The following ACTN2 variants were observed in gnomAD, a reference collection of about 807,000 sequenced individuals.
The protein encoded by ACTN2 is alpha-actinin-2.
A neutral mutation model predicts 113.8 loss-of-function variants in ACTN2; 39 were observed. The ratio of observed to expected loss-of-function variants is 0.34; its 90% CI spans 0.27 to 0.45. ACTN2 has a LOEUF of 0.45. Among genes scored for constraint, ACTN2 ranks in the 20% least tolerant of loss-of-function variants. ACTN2 has a pLI of 1.00. For missense variants in ACTN2, 992 were observed against 1,177.9 expected (o/e 0.84, Z 2.31); for synonymous variants, 429 against 444.1 (o/e 0.97, Z 0.43).
chr1:236,734,896 T>C (rs982788711), intron 7 of ACTN2, among the ~76,000 whole-genome samples: 1 of 152,216 alleles, frequency 6.6e-6, no homozygotes, highest in African/African-American at 2.4e-5. Flanking sequence ...CGAAAAATGG[T>C]GTTGCCAAGA....
intron 10 of ACTN2, among the ~76,000 whole-genome samples, chr1:236,739,952 A>G (rs1659017786): frequency 6.6e-6 from 1 of 152,056 alleles, no homozygotes; most frequent in Non-Finnish European, 1.5e-5. Context: ...TCTCCACCGA[A>G]TCATGCACAC....
chr1:236,689,554 C>T (rs1016511392), intron 1 of ACTN2, among the ~76,000 whole-genome samples: 3 of 151,678 alleles, frequency 2.0e-5, no homozygotes, highest in Non-Finnish European at 2.9e-5. Context: ...GAGACAGGGT[C>T]TCACTGTGTT....
In ACTN2 at chr1:236,742,794, A is replaced by T. The variant is rs183052641; in HGVS notation, c.1108-102A>T. 197 of 1,442,532 alleles carry T rather than the reference A, an allele frequency of 1.4e-4. 1 individual carries two copies. The African/African-American group carries it at 1.6e-3, about 12-fold the overall frequency. 89.4% of individuals were successfully genotyped at this position (1,442,532 alleles called of 1,614,324 possible). A position where few individuals can be genotyped will look rare whatever the true frequency, so the allele number is the denominator to read the frequency against. ...GAAAAGAAAACAAAAGGAAAACACC[A>T]TCAAAATGTAGTGGAGGGATTTATA... On this transcript the variant is annotated intron_variant, in intron 10 of 20. Coordinates refer to ENST00000366578, the MANE Select transcript of ACTN2 (RefSeq NM_001103.4).
At position 236,686,810 on chromosome 1, in the gene ACTN2, G is replaced by T; in HGVS notation, c.126+11G>T. The T allele has an allele frequency of 6.7e-7, 1 of 1,483,814 alleles. No homozygotes were observed. Among genetic ancestry groups the T allele is most frequent in the Non-Finnish European group, 9.0e-7 (1 of 1,112,508 alleles). The allele number at this position is 1,483,814 out of a possible 1,614,324, so 91.9% of individuals were successfully genotyped here. ...AAGCAGCAGAGGAAGGTCAGCAGGG[G>T]CCCGCGGGCCGCCCGCGCGTGGTGG... On this transcript the variant is annotated intron_variant, in intron 1 of 20. Coordinates refer to ENST00000366578, the MANE Select transcript of ACTN2 (RefSeq NM_001103.4).
intron 1 of ACTN2, among the ~76,000 whole-genome samples, chr1:236,709,220 G>GTGTGTGTGTGTGTATATATATA (rs1275373436): frequency 1.5e-5 from 1 of 66,838 alleles, no homozygotes; most frequent in Admixed American, 2.2e-4. Context: ...ACAAATGACT[G>GTGTGTGTGTGTGTATATATATA]TATATATATA....
At chr1:236,749,379 G>T in intron 14 of ACTN2, 115 bp downstream of exon 14, 1 of 1,431,272 alleles carries the variant, frequency 7.0e-7, no homozygotes, top group Non-Finnish European at 9.6e-7. Flanking sequence ...ATTAACAAAT[G>T]TGGCTAGAAA....
At chr1:236,731,091 A>G in intron 6 of ACTN2, 142 bp from the exon 7 acceptor site, 1 of 636,036 alleles carries the variant, frequency 1.6e-6, no homozygotes, top group Non-Finnish European at 2.8e-6. Context: ...GATTGGGAAA[A>G]GATGAAAAGG....
Position 236,754,944 on chromosome 1 carries a change from G to A in ACTN2, c.1975-75G>A, listed in dbSNP as rs1017891194. ...TAGCATCCCATGCAGGGTCTGGAAC[G>A]GCGCCTCGTGCCGAGCTCCCTTAGA... On this transcript the variant is annotated intron_variant, in intron 16 of 20. Transcript: ENST00000366578. The surrounding 1 kb of genome is among the most constrained non-coding windows in gnomAD (Gnocchi z 4.9). 1.1e-5 allele frequency: 17 copies of A among 1,579,842 alleles called. No homozygotes were observed. The highest frequency in any genetic ancestry group is 4.0e-5 in the African/African-American group (3 of 74,210).
intron 2 of ACTN2, among the ~76,000 whole-genome samples, chr1:236,718,678 C>G (rs1036720371): frequency 4.6e-5 from 7 of 152,182 alleles, no homozygotes; most frequent in African/African-American, 1.7e-4. Flanking sequence ...AGCATGTGTC[C>G]TTCATAGTAT....
rs372777335 is a variant in ACTN2, at chr1:236,723,174, T to A, written c.449-2759T>A. 1.3e-4 allele frequency among the ~76,000 whole-genome samples: 20 copies of A among 152,370 alleles called. No homozygotes were observed. The East Asian group carries it at 3.5e-3, about 26-fold the overall frequency. On this transcript the variant is annotated intron_variant, in intron 4 of 20. Coordinates refer to ENST00000366578, the MANE Select transcript of ACTN2 (RefSeq NM_001103.4). ...TTTAAACTCTATTAAATACATCCCA[T>A]TATTTCTTCCTGATGTACTTCTTCT... is the stretch of plus-strand genomic sequence containing the variant.
rs530366756 is a variant in ACTN2 at position 236,739,249 on chromosome 1, G to C, written c.877-53G>C. On this transcript the variant is annotated intron_variant, in intron 9 of 20. Transcript: ENST00000366578. ...GATGCCTCATTTTTTTTTTTTAACT[G>C]GGGGAGGGGGCTTGCTGGTGTCTTC... 7 of 1,564,740 alleles carry C rather than the reference G, an allele frequency of 4.5e-6. No individual in the cohort carries two copies. In the South Asian group the frequency reaches 5.6e-5, roughly 12 times the overall value.
intron 1 of ACTN2, among the ~76,000 whole-genome samples, chr1:236,695,563 T>TCCTCCC (rs1657467692): frequency 5.0e-5 from 5 of 100,796 alleles, no homozygotes; most frequent in African/African-American, 8.2e-5. Context: ...TGAAATGAGT[T>TCCTCCC]CCCCCCCCCT....
At chr1:236,709,334 ATATATACGTG>A (rs1657948912) in intron 1 of ACTN2, among the ~76,000 whole-genome samples, 1 of 137,580 alleles carries the variant, frequency 7.3e-6, no homozygotes, top group African/African-American at 2.9e-5. Context: ...ATACATGTAT[ATATATACGTG>A]TATATATATA....
intron 10 of ACTN2, 74 bp from the exon 11 acceptor site, chr1:236,742,822 A>C: frequency 6.3e-7 from 1 of 1,584,276 alleles, no homozygotes. Context: ...GATTTATAGA[A>C]GAAGCCTGAG....
Position 236,762,657 on chromosome 1 carries a change from A to G in ACTN2, c.*38A>G, listed in dbSNP as rs1382142676. On this transcript the variant is annotated 3_prime_UTR_variant, in exon 21 of 21. Transcript: ENST00000366578. ...GTAATCACTCATCCCATCAGAATGC[A>G]ATAAAAGCGGAAGTCACAGTTTGTT... 2 of 1,607,060 alleles carry G rather than the reference A, an allele frequency of 1.2e-6. No individual in the cohort carries two copies. The highest frequency in any genetic ancestry group is 1.7e-6 in the Non-Finnish European group (2 of 1,176,134).
chr1:236,734,527 G>A (rs1446915390), intron 7 of ACTN2: 10 of 1,525,336 alleles, frequency 6.6e-6, no homozygotes, highest in African/African-American at 1.4e-5. Context: ...AGGTGAGGAT[G>A]TAAACCATGA....
chr1:236,739,267 G>T (rs1041251215), intron 9 of ACTN2, 35 bp from the exon 10 acceptor site: 2 of 1,605,376 alleles, frequency 1.2e-6, no homozygotes, highest in Non-Finnish European at 1.7e-6. Flanking sequence ...GGGCTTGCTG[G>T]TGTCTTCAGC....
intron 4 of ACTN2, among the ~76,000 whole-genome samples, chr1:236,721,337 GT>G (rs1442405794): frequency 6.6e-6 from 1 of 151,828 alleles, no homozygotes; most frequent in Non-Finnish European, 1.5e-5. Context: ...GTGATTTTAG[GT>G]ACTCATCAAC....
chr1:236,742,183 GC>G (rs1378872086), intron 10 of ACTN2, among the ~76,000 whole-genome samples: 7 of 152,190 alleles, frequency 4.6e-5, no homozygotes, highest in Non-Finnish European at 8.8e-5. Flanking sequence ...CCTTGACCCT[GC>G]TTTTTTTTTC....
Sources: allele counts gnomAD v4.1 joint callset (sites outside exome capture counted in the v4.1 genomes callset), GRCh38; gene constraint gnomAD v4.1.1; non-coding constraint Gnocchi (gnomAD v3.1); transcripts MANE v1.5; gene names NCBI Gene and HGNC (gene_info 2026-07-23, HGNC 2026-07-21).